Variants in CRYL1 observed in about 807,000 individuals in gnomAD.
CRYL1 encodes the protein crystallin lambda 1, also known as lambda-crystallin homolog.
In CRYL1, 29 loss-of-function variants were observed where a neutral mutation model predicts 36.6. That is an observed-to-expected ratio of 0.79 (90% CI 0.59 to 1.08). CRYL1 has a LOEUF of 1.08. Among genes scored for constraint, CRYL1 ranks in the 50% least tolerant of loss-of-function variants. The pLI, the probability that CRYL1 is intolerant of heterozygous loss-of-function variation, is 0.00. For missense variants in CRYL1, 411 were observed against 407.9 expected, an observed-to-expected ratio of 1.01 and a Z score of -0.06; for synonymous variants, 152 against 151.5, an observed-to-expected ratio of 1.00 and a Z score of -0.02.
chr13:20,459,193 G>A (rs929302151), intron 3 of CRYL1, among the ~76,000 whole-genome samples: 5 of 140,020 alleles, frequency 3.6e-5, no homozygotes, highest in Non-Finnish European at 6.0e-5. Context: ...CCGAGTTCAC[G>A]CCGCTGTACT....
chr13:20,518,830 A>G (rs1365210095), intron 1 of CRYL1, among the ~76,000 whole-genome samples: 3 of 152,188 alleles, frequency 2.0e-5, no homozygotes, highest in African/African-American at 7.2e-5. Flanking sequence ...GCCAAGAAGA[A>G]TTGCTGGCGA....
intron 3 of CRYL1, among the ~76,000 whole-genome samples, chr13:20,473,852 C>T (rs933776055): frequency 5.3e-5 from 8 of 151,740 alleles, no homozygotes; most frequent in Admixed American, 6.6e-5. Flanking sequence ...CGGATTCTAA[C>T]GTCTCAGGAA....
chr13:20,459,958 C>G (rs1324763798), intron 3 of CRYL1, among the ~76,000 whole-genome samples: 1 of 152,214 alleles, frequency 6.6e-6, no homozygotes, highest in Non-Finnish European at 1.5e-5. Flanking sequence ...CCTGCCGATT[C>G]AACCTTCGCT....
In CRYL1 at chr13:20,403,785, T is replaced by A. The variant is rs2031288411; in HGVS notation, c.*344A>T. The A allele has an allele frequency of 5.5e-6, 1 of 180,854 alleles. No individual in the cohort carries two copies. The highest frequency in any genetic ancestry group is 6.1e-5 in the Admixed American group (1 of 16,290). 11.2% of individuals were successfully genotyped at this position (180,854 alleles called of 1,614,324 possible). ...AGGGATTAGAAAATAATTACAAAAA[T>A]ATTTTGCCACATATTAACATGAAAC... On this transcript the variant is annotated 3_prime_UTR_variant, in exon 8 of 8. Coordinates refer to ENST00000298248, the MANE Select transcript of CRYL1 (RefSeq NM_015974.3).
chr13:20,516,091 C>T (rs1245300089), intron 1 of CRYL1, among the ~76,000 whole-genome samples: 3 of 146,320 alleles, frequency 2.1e-5, no homozygotes, highest in East Asian at 4.2e-4. Flanking sequence ...CTCAGGAGGC[C>T]GAGGCAGGAC....
intron 2 of CRYL1, among the ~76,000 whole-genome samples, chr13:20,498,164 T>C (rs1453721808): frequency 1.4e-5 from 2 of 147,132 alleles, no homozygotes; most frequent in East Asian, 4.1e-4. Context: ...CCATACACAC[T>C]ACATACACCG....
At chr13:20,430,747 A>G (rs1422900302) in intron 5 of CRYL1, 1 of 985,320 alleles carries the variant, frequency 1.0e-6, no homozygotes, top group East Asian at 1.1e-4. Flanking sequence ...TACAAATAAA[A>G]AGCTGAGATT....
At chr13:20,452,844 T>C (rs879393333) in intron 3 of CRYL1, among the ~76,000 whole-genome samples, 1 of 152,192 alleles carries the variant, frequency 6.6e-6, no homozygotes, top group Non-Finnish European at 1.5e-5. Flanking sequence ...TTCTTCTTAA[T>C]TTTCCTGTGG....
At chr13:20,522,896 T>C (rs1013483367) in intron 1 of CRYL1, among the ~76,000 whole-genome samples, 2 of 147,236 alleles carry the variant, frequency 1.4e-5, no homozygotes, top group Non-Finnish European at 3.0e-5. Flanking sequence ...TTTATCTTCA[T>C]GATACCCATT....
rs2032309926 is a variant in CRYL1 at position 20,439,588 on chromosome 13, C to G, written c.438+5G>C. 1 of 1,382,960 alleles carries G rather than the reference C, an allele frequency of 7.2e-7. No individual in the cohort carries two copies. Among genetic ancestry groups the G allele is most frequent in the Non-Finnish European group, 9.7e-7 (1 of 1,035,682 alleles). 85.7% of individuals were successfully genotyped at this position (1,382,960 alleles called of 1,614,324 possible). The stretch of plus-strand genomic sequence containing the variant: ...CAATCAATCCTCTGGATTTAAAATA[C>G]TCACAGGATGAGCCACGATGCATTG... On this transcript the variant is annotated splice_donor_5th_base_variant and intron_variant, in intron 4 of 7. Coordinates refer to ENST00000298248, the MANE Select transcript of CRYL1 (RefSeq NM_015974.3).
In CRYL1 at chr13:20,512,425, G is replaced by C. The variant is rs2137510169; in HGVS notation, c.149+18C>G. 6.4e-7 allele frequency: 1 copy of C among 1,565,464 alleles called. No individual in the cohort carries two copies. The highest frequency in any genetic ancestry group is 8.8e-7 in the Non-Finnish European group (1 of 1,137,190). On this transcript the variant is annotated intron_variant, in intron 2 of 7. Transcript: ENST00000298248. Reference sequence around the variant, plus strand: ...CAGACCCACTTCCATTCCTTCTGGAGAGCGCCGGCTGGCCCACCTGATGTT... The same window carrying C: ...CAGACCCACTTCCATTCCTTCTGGACAGCGCCGGCTGGCCCACCTGATGTT...
intron 3 of CRYL1, among the ~76,000 whole-genome samples, chr13:20,451,446 C>A (rs527527921): frequency 3.3e-5 from 5 of 152,092 alleles, no homozygotes; most frequent in South Asian, 2.1e-4. Flanking sequence ...ATTGAACAAG[C>A]AACAAACAAA....
At chr13:20,508,865 A>AAAAC (rs2033856124) in intron 2 of CRYL1, among the ~76,000 whole-genome samples, 1 of 48,374 alleles carries the variant, frequency 2.1e-5, no homozygotes, top group African/African-American at 7.9e-5. Context: ...AAAAAAAAAA[A>AAAAC]AAAAAAAAAA....
intron 1 of CRYL1, among the ~76,000 whole-genome samples, chr13:20,520,878 G>A (rs1466536679): frequency 6.6e-6 from 1 of 152,132 alleles, no homozygotes; most frequent in Non-Finnish European, 1.5e-5. Flanking sequence ...GGCCGAGGTG[G>A]GTGGATAACG....
chr13:20,449,773 A>T (rs1042984579), intron 3 of CRYL1, among the ~76,000 whole-genome samples: 6 of 152,232 alleles, frequency 3.9e-5, no homozygotes, highest in African/African-American at 2.4e-5. Flanking sequence ...ATGTACAAAA[A>T]TCAGCAGCAT....
At chr13:20,467,696 C>G (rs2032968528) in intron 3 of CRYL1, among the ~76,000 whole-genome samples, 1 of 152,174 alleles carries the variant, frequency 6.6e-6, no homozygotes, top group Admixed American at 6.6e-5. Flanking sequence ...TGGCACGCGC[C>G]TGTTGTCCCA....
intron 3 of CRYL1, among the ~76,000 whole-genome samples, chr13:20,459,380 T>C (rs2032761254): frequency 6.6e-6 from 1 of 152,052 alleles, no homozygotes; most frequent in African/African-American, 2.4e-5. Flanking sequence ...ATCATTCTAC[T>C]ATAAAGACAC....
At chr13:20,413,994 T>C (rs2031590660) in intron 5 of CRYL1, among the ~76,000 whole-genome samples, 1 of 151,940 alleles carries the variant, frequency 6.6e-6, no homozygotes, top group South Asian at 2.1e-4. Context: ...GCCAACATGG[T>C]GAAACCCTGT....
At chr13:20,410,155 T>C (rs1195236318) in intron 6 of CRYL1, among the ~76,000 whole-genome samples, 1 of 150,000 alleles carries the variant, frequency 6.7e-6, no homozygotes, top group Non-Finnish European at 1.5e-5. Flanking sequence ...AATGATAGAC[T>C]GGATTAAGAA....
Sources: allele counts gnomAD v4.1 joint callset (sites outside exome capture counted in the v4.1 genomes callset), GRCh38; gene constraint gnomAD v4.1.1; transcripts MANE v1.5; gene names NCBI Gene and HGNC (gene_info 2026-07-23, HGNC 2026-07-21).